The following EPHA7 variants were observed in gnomAD, a reference collection of about 807,000 sequenced individuals.
The protein encoded by EPHA7 is ephrin type-A receptor 7.
A neutral mutation model predicts 112.6 loss-of-function variants in EPHA7; 25 were observed. The ratio of observed to expected loss-of-function variants is 0.22; its 90% CI spans 0.16 to 0.31. The LOEUF is 0.31. EPHA7 is among the 10% of genes least tolerant of loss of function. The pLI is 1.00. For synonymous variants in EPHA7, 437 were observed against 406.5 expected (o/e 1.07, Z -0.90); for missense variants, 962 against 1,212.6 (o/e 0.79, Z 3.07).
At position 93,394,371 on chromosome 6, in the gene EPHA7, G is replaced by A. The variant is rs143791186; in HGVS notation, c.832+16130C>T. Among the ~76,000 whole-genome samples the A allele has an allele frequency of 3.4e-4, 52 of 151,640 alleles. 1 individual carries two copies. The East Asian group carries it at 9.7e-3, about 28-fold the overall frequency. Reference sequence around the variant, plus strand: ...AGAGAGAGAAAAGTCAGAACTCAGCGAAGTTACTATCAACACAGATAATTT... The same window carrying A: ...AGAGAGAGAAAAGTCAGAACTCAGCAAAGTTACTATCAACACAGATAATTT... On this transcript the variant is annotated intron_variant, in intron 3 of 16. Transcript: ENST00000369303.
intron 3 of EPHA7, among the ~76,000 whole-genome samples, chr6:93,387,349 A>T (rs781220669): frequency 1.8e-4 from 27 of 152,224 alleles, no homozygotes; most frequent in Non-Finnish European, 3.5e-4. Flanking sequence ...AGACCACCTC[A>T]GCCTGAACTT....
Position 93,410,700 on chromosome 6 carries a change from GTT to G in EPHA7, c.631_632del (p.Asn211LeufsTer66), listed in dbSNP as rs1469891506. 6.2e-7 allele frequency: 1 copy of G among 1,614,054 alleles called. No homozygotes were observed. The highest frequency in any genetic ancestry group is 1.7e-5 in the Admixed American group (1 of 59,982). On this transcript the variant is annotated frameshift_variant, in exon 3 of 17. Transcript: ENST00000369303. LOFTEE classifies it high-confidence loss of function. This position sits in a 1 kb window ranked among gnomAD's most constrained non-coding sequence, Gnocchi z 4.0. ...TCACTGTATCTGGAAAGATAGCTAAGTTCTCAATAATGGACCAGCACTTCTTG... is the reference window on the plus strand; with the variant it reads ...TCACTGTATCTGGAAAGATAGCTAAGCTCAATAATGGACCAGCACTTCTTG... ...YYKKCWSIIE[N>X]LAIFPDTVTG...
chr6:93,383,488 T>C (rs1170429076), intron 3 of EPHA7, among the ~76,000 whole-genome samples: 3 of 152,100 alleles, frequency 2.0e-5, no homozygotes, highest in African/African-American at 7.2e-5. Context: ...GAGTAAACGC[T>C]GGTCCCTGAA....
chr6:93,408,456 A>G (rs1171825724), intron 3 of EPHA7, among the ~76,000 whole-genome samples: 1 of 152,088 alleles, frequency 6.6e-6, no homozygotes, highest in African/African-American at 2.4e-5. Context: ...ATAAATCTTC[A>G]TCAGTTTCTG....
chr6:93,411,034 A>G lies in EPHA7; in HGVS notation c.299T>C (p.Val100Ala). ...ATCCCTCAGGGTGAATTTCAATTCT[A>G]CAAAAATCCTTTGTGCATTGCCTTT... ...ISKGNAQRIF[V>A]ELKFTLRDCN... Residue 100 changes from valine to alanine, a missense_variant, in exon 3 of 17, where the codon GTA becomes GCA. By Grantham distance (64) the Val-to-Ala change is moderately conservative (BLOSUM62 0). Transcript: ENST00000369303. 2 of 1,614,062 alleles carry G rather than the reference A, an allele frequency of 1.2e-6. No homozygotes were observed. The highest frequency in any genetic ancestry group is 1.7e-6 in the Non-Finnish European group (2 of 1,179,978).
chr6:93,400,420 C>A (rs968581427), intron 3 of EPHA7, among the ~76,000 whole-genome samples: 4 of 152,028 alleles, frequency 2.6e-5, no homozygotes, highest in African/African-American at 4.8e-5. Context: ...TCAAGCAACT[C>A]CACATATACA....
At chr6:93,245,553 T>G in intron 15 of EPHA7, 100 bp from the exon 16 acceptor site, 1 of 1,200,534 alleles carries the variant, frequency 8.3e-7, no homozygotes, top group Non-Finnish European at 1.1e-6. Flanking sequence ...CAAAATTAGA[T>G]GTTTTAATTG....
chr6:93,370,019 C>T (rs1410106315), intron 3 of EPHA7, among the ~76,000 whole-genome samples: 1 of 152,130 alleles, frequency 6.6e-6, no homozygotes, highest in African/African-American at 2.4e-5. Context: ...TTATGCTGCA[C>T]AGGGAGACAA....
At chr6:93,259,527 T>C in intron 9 of EPHA7, 48 bp from the exon 10 acceptor site, 3 of 1,603,860 alleles carry the variant, frequency 1.9e-6, no homozygotes, top group Non-Finnish European at 2.6e-6. Flanking sequence ...AAGCACTTAT[T>C]GTGCAGTCAG....
chr6:93,297,737 A>C (rs1772747030), intron 5 of EPHA7, among the ~76,000 whole-genome samples: 1 of 152,174 alleles, frequency 6.6e-6, no homozygotes, highest in Non-Finnish European at 1.5e-5. Flanking sequence ...TACTAAAAAC[A>C]GGAACTCAGT....
At chr6:93,403,560 A>G (rs1778535074) in intron 3 of EPHA7, among the ~76,000 whole-genome samples, 1 of 151,736 alleles carries the variant, frequency 6.6e-6, no homozygotes, top group Non-Finnish European at 1.5e-5. Flanking sequence ...GGATCACTTG[A>G]GCCCAGGAGT....
intron 5 of EPHA7, among the ~76,000 whole-genome samples, chr6:93,336,046 T>C (rs974956003): frequency 2.0e-5 from 3 of 152,166 alleles, no homozygotes; most frequent in Admixed American, 6.6e-5. Context: ...ATAATTGATG[T>C]ACCTTTAAAA....
intron 5 of EPHA7, 122 bp from the exon 6 acceptor site, chr6:93,272,544 C>A: frequency 9.0e-7 from 1 of 1,113,140 alleles, no homozygotes; most frequent in South Asian, 1.5e-5. Flanking sequence ...AGCACCTTTT[C>A]ATAGCTCACA....
At chr6:93,408,419 G>A (rs950346101) in intron 3 of EPHA7, among the ~76,000 whole-genome samples, 13 of 152,092 alleles carry the variant, frequency 8.5e-5, no homozygotes, top group African/African-American at 3.1e-4. Flanking sequence ...CTTACCCAGT[G>A]GAATAGCATT....
intron 1 of EPHA7, among the ~76,000 whole-genome samples, chr6:93,418,071 C>T (rs544246780): frequency 1.3e-5 from 2 of 151,548 alleles, no homozygotes; most frequent in East Asian, 2.0e-4. Context: ...GATTCCTCTC[C>T]CTCTACACAT....
intron 15 of EPHA7, 71 bp downstream of exon 15, chr6:93,246,721 G>A (rs1769969247): frequency 1.5e-6 from 2 of 1,301,864 alleles, no homozygotes; most frequent in South Asian, 1.4e-5. Flanking sequence ...TTGTGGTGGG[G>A]TGGAGGAGAT....
At chr6:93,361,978 TA>T (rs1302537337) in intron 3 of EPHA7, among the ~76,000 whole-genome samples, 3 of 152,102 alleles carry the variant, frequency 2.0e-5, no homozygotes, top group Admixed American at 1.3e-4. Flanking sequence ...GGGATATGTA[TA>T]AAAATTGTTT....
At chr6:93,360,612 A>G (rs535607259) in intron 3 of EPHA7, among the ~76,000 whole-genome samples, 29 of 152,300 alleles carry the variant, frequency 1.9e-4, no homozygotes, top group African/African-American at 6.5e-4. Flanking sequence ...AAGCCTCTAA[A>G]TAAAGGCTAA....
In EPHA7 at chr6:93,246,903, C is replaced by A; in HGVS notation, c.2615G>T (p.Cys872Phe). The change falls in exon 15 of 17, where the codon TGT becomes TTT. Residue 872 changes from cysteine to phenylalanine, a missense_variant. Physicochemically the swap from Cys to Phe is radical, Grantham distance 205. Transcript: ENST00000369303. ...CCTTTCAGCACGCTCCTTTTGCCAA[C>A]AATCCAACATTAGCTGGTGAAGGCC... is the stretch of plus-strand genomic sequence containing the variant. Reference protein sequence around the residue: ...PAGLHQLMLDCWQKERAERPK... With the variant: ...PAGLHQLMLDFWQKERAERPK... 1 of 1,613,954 alleles carries A rather than the reference C, an allele frequency of 6.2e-7. No individual in the cohort carries two copies. Among genetic ancestry groups the A allele is most frequent in the Middle Eastern group, 1.6e-4 (1 of 6,062 alleles).
Sources: gnomAD v4.1 joint callset for allele counts (sites outside exome capture counted in the v4.1 genomes callset) on GRCh38, gnomAD v4.1.1 for gene constraint, Gnocchi (gnomAD v3.1) non-coding constraint, MANE v1.5 for transcripts, NCBI Gene and HGNC (gene_info 2026-07-23, HGNC 2026-07-21) for gene names.